The following DENND4A variants were observed in gnomAD, a reference collection of about 807,000 sequenced individuals.
DENND4A encodes DENN domain containing 4A.
A neutral mutation model predicts 199.3 loss-of-function variants in DENND4A; 70 were observed. The observed-to-expected ratio is 0.35, with a 90% CI of 0.29 to 0.43. DENND4A has a LOEUF of 0.43. DENND4A is among the 20% of genes least tolerant of loss of function. The probability of loss-of-function intolerance (pLI) is 1.00; values close to 1 mark genes in which losing one functional copy is unlikely to be tolerated. For missense variants in DENND4A, 1,723 were observed against 2,255.8 expected (o/e 0.76, Z 4.78); for synonymous variants, 686 against 766.9 (o/e 0.89, Z 1.74).
intron 4 of DENND4A, among the ~76,000 whole-genome samples, chr15:65,744,612 C>G (rs2076341024): frequency 6.6e-6 from 1 of 152,080 alleles, no homozygotes; most frequent in Non-Finnish European, 1.5e-5. Flanking sequence ...CATGTATCAC[C>G]ATTTGGTGTA....
intron 1 of DENND4A, among the ~76,000 whole-genome samples, chr15:65,790,629 T>C (rs564094919): frequency 6.6e-6 from 1 of 152,228 alleles, no homozygotes; most frequent in East Asian, 1.9e-4. Context: ...CAAAGGGAAA[T>C]CGTGAAAATA....
At chr15:65,666,778 C>CAA (rs36113125) in intron 29 of DENND4A, among the ~76,000 whole-genome samples, 66 of 91,732 alleles carry the variant, frequency 7.2e-4, no homozygotes, top group African/African-American at 9.3e-4. Flanking sequence ...GACCTTGTGT[C>CAA]AAAAAAAAAA....
chr15:65,695,473 G>C (rs1428910310), intron 22 of DENND4A, among the ~76,000 whole-genome samples: 1 of 152,150 alleles, frequency 6.6e-6, no homozygotes, highest in Non-Finnish European at 1.5e-5. Context: ...TTGCAGGCTA[G>C]TATAATAATA....
chr15:65,737,954 C>T lies in DENND4A; in HGVS notation c.802-9G>A. The stretch of plus-strand genomic sequence containing the variant: ...ATAGCAGCACCATAAACCTGCAAAA[C>T]AAGTAATATATCCAGTAAATATACT... On this transcript the variant is annotated splice_polypyrimidine_tract_variant and intron_variant, in intron 6 of 32. Coordinates refer to ENST00000443035, the MANE Select transcript of DENND4A (RefSeq NM_001320835.1). The T allele has an allele frequency of 6.4e-7, 1 of 1,564,638 alleles. No individual in the cohort carries two copies. The highest frequency in any genetic ancestry group is 1.9e-5 in the Admixed American group (1 of 52,674).
chr15:65,745,378 T>A (rs1410010345), intron 4 of DENND4A, among the ~76,000 whole-genome samples: 1 of 152,214 alleles, frequency 6.6e-6, no homozygotes, highest in Non-Finnish European at 1.5e-5. Context: ...TTTATTTTAA[T>A]ATAGTTTAAT....
At position 65,671,798 on chromosome 15, in the gene DENND4A, T is replaced by C. The variant is rs753360029; in HGVS notation, c.4458A>G (p.Ala1486=). 6 of 1,596,668 alleles carry C rather than the reference T, an allele frequency of 3.8e-6. No individual in the cohort carries two copies. The Admixed American group carries it at 1.0e-4, about 27-fold the overall frequency. The change falls in exon 25 of 33, where the codon GCA becomes GCG. Residue 1486 remains alanine, a synonymous_variant. Transcript: ENST00000443035. Reference sequence around the variant, plus strand: ...CTTTTGCACAAAAGTGTACCTCCATTGCATAGTTCTGGAAGATATTTGTAT... The same window carrying C: ...CTTTTGCACAAAAGTGTACCTCCATCGCATAGTTCTGGAAGATATTTGTAT... ...ASNTNIFQNY[A]MEVLISSCSR... is the part of the protein sequence containing the mutation.
At position 65,738,810 on chromosome 15, in the gene DENND4A, A is replaced by C; in HGVS notation, c.697T>G (p.Phe233Val). The change falls in exon 6 of 33, where the codon TTT becomes GTT. Residue 233 changes from phenylalanine to valine, a missense_variant. This residue lies in a region of DENND4A where 725 missense variants were observed against 952.9 expected (regional missense o/e 0.76). Coordinates refer to ENST00000443035, the MANE Select transcript of DENND4A (RefSeq NM_001320835.1). ...SFSLPESVPL[F>V]CLPMGATIEC... ...ATGGTTGCACCCATTGGTAAACAAA[A>C]TAGAGGAACAGATTCCGGTAGTGAG... 1 of 1,611,842 alleles carries C rather than the reference A, an allele frequency of 6.2e-7. No individual in the cohort carries two copies. The highest frequency in any genetic ancestry group is 8.5e-7 in the Non-Finnish European group (1 of 1,178,964).
chr15:65,754,380 C>T (rs1338419643), intron 3 of DENND4A, among the ~76,000 whole-genome samples: 1 of 152,172 alleles, frequency 6.6e-6, no homozygotes, highest in African/African-American at 2.4e-5. Context: ...ATTCCCACCA[C>T]CTGTTACTAG....
chr15:65,781,384 T>C (rs2077432643), intron 1 of DENND4A, among the ~76,000 whole-genome samples: 1 of 152,080 alleles, frequency 6.6e-6, no homozygotes, highest in Non-Finnish European at 1.5e-5. Context: ...TCTGAGAAGG[T>C]GAATCTCAAG....
chr15:65,712,465 A>C (rs2075279446), intron 14 of DENND4A, among the ~76,000 whole-genome samples: 1 of 152,232 alleles, frequency 6.6e-6, no homozygotes, highest in Non-Finnish European at 1.5e-5. Flanking sequence ...AACATTTTAA[A>C]AACATACATA....
rs1466094119 is a variant in DENND4A at position 65,691,504 on chromosome 15, T to A, written c.3090A>T (p.Thr1030=). 3 of 1,580,928 alleles carry A rather than the reference T, an allele frequency of 1.9e-6. No individual in the cohort carries two copies. The African/African-American group carries it at 4.1e-5, about 22-fold the overall frequency. The part of the protein sequence containing the change: ...GKISGESMES[T]PELLLISSLE... Reference sequence around the variant, plus strand: ...GAGATGATATTAAGAGCAGCTCAGGTGTGCTTTCTGAAAAACAAGTAAAGT... The same window carrying A: ...GAGATGATATTAAGAGCAGCTCAGGAGTGCTTTCTGAAAAACAAGTAAAGT... Residue 1030 remains threonine, a synonymous_variant, in exon 23 of 33, where the codon ACA becomes ACT. Transcript: ENST00000443035.
intron 23 of DENND4A, among the ~76,000 whole-genome samples, chr15:65,682,609 A>G (rs1272558356): frequency 3.9e-5 from 6 of 152,108 alleles, no homozygotes; most frequent in African/African-American, 1.4e-4. Context: ...GTCACTTTTA[A>G]TTTCCTTCAA....
intron 1 of DENND4A, among the ~76,000 whole-genome samples, chr15:65,775,502 G>C (rs561518067): frequency 6.6e-6 from 1 of 151,250 alleles, no homozygotes; most frequent in Non-Finnish European, 1.5e-5. Flanking sequence ...TTAGCCGGGT[G>C]TGGTGATGCA....
intron 23 of DENND4A, among the ~76,000 whole-genome samples, chr15:65,687,914 C>G (rs2076846256): frequency 1.3e-5 from 2 of 152,098 alleles, no homozygotes; most frequent in South Asian, 4.1e-4. Flanking sequence ...TCTCTTGTAT[C>G]TATAAATCTG....
At position 65,697,343 on chromosome 15, in the gene DENND4A, A is replaced by G. The variant is rs908394986; in HGVS notation, c.2874T>C (p.Asp958=). 2 of 1,606,818 alleles carry G rather than the reference A, an allele frequency of 1.2e-6. No homozygotes were observed. The highest frequency in any genetic ancestry group is 1.7e-6 in the Non-Finnish European group (2 of 1,177,128). ...TAGATGTATCCCCTCTTCTAACTTC[A>G]TCTTTAGATAATGAATTATATCCAA... ...SDLGYNSLSK[D]EVRRGDTSTE... Residue 958 remains aspartate, a synonymous_variant, in exon 21 of 33, where the codon GAT becomes GAC. Coordinates refer to ENST00000443035, the MANE Select transcript of DENND4A (RefSeq NM_001320835.1).
rs747278346 is a variant in DENND4A at position 65,701,847 on chromosome 15, T to C, written c.2474A>G (p.Gln825Arg). The part of the protein sequence containing the change: ...ILMQLCGQYD[Q>R]PVLAVRVLFE... Reference sequence around the variant, plus strand: ...AAGCACTCGAACTGCAAGCACTGGCTGATCATATTGTCCACAGAGTTGCAT... The same window carrying C: ...AAGCACTCGAACTGCAAGCACTGGCCGATCATATTGTCCACAGAGTTGCAT... The change falls in exon 18 of 33, where the codon CAG (glutamine) becomes CGG (arginine). Residue 825 changes from glutamine to arginine, a missense_variant. By Grantham distance (43) the Gln-to-Arg change is conservative. Transcript: ENST00000443035. 6.2e-7 allele frequency: 1 copy of C among 1,613,932 alleles called. No individual in the cohort carries two copies. Among genetic ancestry groups the C allele is most frequent in the Non-Finnish European group, 8.5e-7 (1 of 1,179,836 alleles).
chr15:65,715,730 C>A, intron 13 of DENND4A, 107 bp from the exon 14 acceptor site: 3 of 1,042,964 alleles, frequency 2.9e-6, no homozygotes, highest in African/African-American at 1.7e-5. Context: ...ATACCTCCCA[C>A]ACCACTACCA....
At chr15:65,791,584 C>A (rs1219734995) in intron 1 of DENND4A, among the ~76,000 whole-genome samples, 1 of 152,002 alleles carries the variant, frequency 6.6e-6, no homozygotes, top group Admixed American at 6.5e-5. Context: ...GGCCTGCAGG[C>A]ACCCCGGGCT....
intron 12 of DENND4A, chr15:65,719,134 T>C (rs2075520866): frequency 6.6e-6 from 1 of 151,874 alleles, no homozygotes; most frequent in African/African-American, 2.4e-5. Flanking sequence ...TATGAATATA[T>C]ATAAAACATA....
Sources: allele counts gnomAD v4.1 joint callset (sites outside exome capture counted in the v4.1 genomes callset), GRCh38; gene constraint gnomAD v4.1.1; regional missense constraint gnomAD v4.1.1; transcripts MANE v1.5; gene names NCBI Gene and HGNC (gene_info 2026-07-23, HGNC 2026-07-21).